N4BP2: variants seen among roughly 807,000 people sequenced by gnomAD.
The protein encoded by N4BP2 is NEDD4 binding protein 2.
Under a neutral mutation model 152.8 loss-of-function variants are expected in N4BP2, and 91 were observed. That is an observed-to-expected ratio of 0.60 (90% CI 0.50 to 0.71). The LOEUF is 0.71. Ranked by LOEUF, N4BP2 falls within the 30% of genes least tolerant of loss-of-function variation. The pLI is 0.00. For synonymous variants in N4BP2, 646 were observed against 705.3 expected, an observed-to-expected ratio of 0.92 and a Z score of 1.33; for missense variants, 1,923 against 2,059.1, an observed-to-expected ratio of 0.93 and a Z score of 1.28.
At chr4:40,133,997 G>C (rs1349004184) in intron 13 of N4BP2, among the ~76,000 whole-genome samples, 5 of 151,558 alleles carry the variant, frequency 3.3e-5, no homozygotes, top group South Asian at 4.2e-4. Flanking sequence ...TTGTAGAGAT[G>C]GAGTTTCACC....
chr4:40,136,343 AATCT>A (rs56276709), intron 13 of N4BP2, among the ~76,000 whole-genome samples: 26,640 of 136,576 alleles, frequency 0.2, 2,667 homozygotes, highest in East Asian at 0.34. Flanking sequence ...TTAGAAATTG[AATCT>A]ATCTATCTAT....
chr4:40,079,100 T>G (rs1264029430), intron 2 of N4BP2, among the ~76,000 whole-genome samples: 1 of 151,988 alleles, frequency 6.6e-6, no homozygotes, highest in Non-Finnish European at 1.5e-5. Context: ...TTTTGTATTT[T>G]TGGTAGAGAT....
chr4:40,169,023 G>C, the N4BP2 span, among the ~76,000 whole-genome samples: 1 of 151,756 alleles, frequency 6.6e-6, no homozygotes, highest in South Asian at 2.1e-4. Context: ...ACTGCGCCTG[G>C]CCAAATATAT....
At chr4:40,160,285 A>G (rs1721823795), downstream of N4BP2, among the ~76,000 whole-genome samples, 1 of 152,224 alleles carries the variant, frequency 6.6e-6, no homozygotes, top group African/African-American at 2.4e-5. Flanking sequence ...TTAATATAGG[A>G]TATATGTACA....
chr4:40,121,981 T>C lies in N4BP2; in HGVS notation c.3870T>C (p.Phe1290=), dbSNP rs1266305361. The part of the protein sequence containing the change: ...SPSHFSDIFN[F]VSSTSNLELN... ...CACATTTCTCTGATATTTTTAACTT[T>C]GTATCTAGTACTTCAAATCTTGAAT... Residue 1290 remains phenylalanine, a synonymous_variant, in exon 9 of 18, where the codon TTT becomes TTC. Transcript: ENST00000261435. 1.9e-6 allele frequency: 3 copies of C among 1,551,746 alleles called. No homozygotes were observed. The highest frequency in any genetic ancestry group is 1.4e-5 in the African/African-American group (1 of 72,264).
chr4:40,181,149 C>CAA, the N4BP2 span, among the ~76,000 whole-genome samples: 2 of 151,680 alleles, frequency 1.3e-5, no homozygotes, highest in Non-Finnish European at 2.9e-5. Context: ...GAGTCTGTCT[C>CAA]AAAAAAGAAA....
chr4:40,125,844 G>A (rs186088480), intron 11 of N4BP2, among the ~76,000 whole-genome samples: 9,016 of 145,484 alleles, frequency 0.062, 372 homozygotes, highest in Middle Eastern at 0.1. Flanking sequence ...CCGAGACTGC[G>A]CCATTGCACT....
At chr4:40,129,644 T>G (rs1440581033) in intron 12 of N4BP2, among the ~76,000 whole-genome samples, 1 of 152,186 alleles carries the variant, frequency 6.6e-6, no homozygotes, top group East Asian at 1.9e-4. Flanking sequence ...CTTTCTTTTT[T>G]TTCTCGAATA....
chr4:40,101,150 A>ATTAT (rs370963126), intron 3 of N4BP2, among the ~76,000 whole-genome samples: 59 of 151,898 alleles, frequency 3.9e-4, no homozygotes, highest in African/African-American at 7.2e-4. Flanking sequence ...AAAAGTGTGC[A>ATTAT]TTATTTATTT....
At chr4:40,113,642 GT>G (rs1436804669) in intron 7 of N4BP2, 134 bp downstream of exon 7, 1 of 698,554 alleles carries the variant, frequency 1.4e-6, no homozygotes, top group Non-Finnish European at 2.5e-6. Context: ...ACGGCTTTTT[GT>G]CCAGTTTTAT....
At chr4:40,106,454 C>G (rs1716297919) in intron 4 of N4BP2, among the ~76,000 whole-genome samples, 1 of 152,136 alleles carries the variant, frequency 6.6e-6, no homozygotes, top group Non-Finnish European at 1.5e-5. Context: ...GCAGCTGGGA[C>G]TATAGGTGCA....
rs1721428292 is a variant in N4BP2 at position 40,154,324 on chromosome 4, A to T, written c.*87A>T. The T allele has an allele frequency of 5.1e-6, 4 of 791,040 alleles. No homozygotes were observed. Among genetic ancestry groups the T allele is most frequent in the Non-Finnish European group, 8.1e-6 (4 of 495,054 alleles). 49.0% of individuals were successfully genotyped at this position (791,040 alleles called of 1,614,324 possible). Reference sequence around the variant, plus strand: ...TAATTCAGTCAATTCTACCCTAAAGATGTGTTTTATTATAAATAATATTCA... The same window carrying T: ...TAATTCAGTCAATTCTACCCTAAAGTTGTGTTTTATTATAAATAATATTCA... On this transcript the variant is annotated 3_prime_UTR_variant, in exon 18 of 18. Coordinates refer to ENST00000261435, the MANE Select transcript of N4BP2 (RefSeq NM_018177.6).
chr4:40,151,728 C>T (rs1252209427), intron 16 of N4BP2, among the ~76,000 whole-genome samples: 3 of 152,166 alleles, frequency 2.0e-5, no homozygotes, highest in Admixed American at 2.0e-4. Flanking sequence ...AGCTAGCACT[C>T]AGTTGAATTT....
rs1050906034 is a variant in N4BP2 at position 40,155,978 on chromosome 4, T to G, written c.*1741T>G. The G allele has an allele frequency of 2.0e-5, 3 of 152,218 alleles. No homozygotes were observed. Among genetic ancestry groups the G allele is most frequent in the African/African-American group, 7.2e-5 (3 of 41,458 alleles). The allele number at this position is 152,218 out of a possible 1,614,324, so 9.4% of individuals were successfully genotyped here. On this transcript the variant is annotated 3_prime_UTR_variant, in exon 18 of 18. Transcript: ENST00000261435. The stretch of plus-strand genomic sequence containing the variant: ...ACACTTATGTTTGTAATAATTTATT[T>G]AAAGAATGCCAACAGTTTAGCACAC...
downstream of N4BP2, among the ~76,000 whole-genome samples, chr4:40,160,657 C>T (rs1401512335): frequency 2.0e-5 from 3 of 152,170 alleles, no homozygotes; most frequent in Non-Finnish European, 2.9e-5. Context: ...CTTTATTTCA[C>T]ATGCATTTCT....
chr4:40,123,485 T>A (rs953232465), intron 10 of N4BP2, among the ~76,000 whole-genome samples: 14 of 152,290 alleles, frequency 9.2e-5, no homozygotes, highest in South Asian at 2.1e-4. Context: ...TGATTTTTTT[T>A]ATATCTTTTT....
chr4:40,112,242 A>G lies in N4BP2; in HGVS notation c.1587+70A>G, dbSNP rs1227944054. ...ATTATTGGGGAACATTAATTATGAA[A>G]GTGAATCTGAAGCACTTAAGAATCT... is the stretch of plus-strand genomic sequence containing the variant. On this transcript the variant is annotated intron_variant, in intron 6 of 17. Transcript: ENST00000261435. The G allele has an allele frequency of 7.8e-6, 7 of 900,726 alleles. No homozygotes were observed. In the South Asian group the frequency reaches 9.3e-5, roughly 12 times the overall value. The allele number at this position is 900,726 out of a possible 1,614,324, so 55.8% of individuals were successfully genotyped here. A position where few individuals can be genotyped will look rare whatever the true frequency, so the allele number is the denominator to read the frequency against.
chr4:40,144,847 C>T (rs537571832), intron 16 of N4BP2, 47 bp downstream of exon 16: 2 of 1,491,052 alleles, frequency 1.3e-6, no homozygotes, highest in South Asian at 1.3e-5. Context: ...TATGTCTTTG[C>T]TTATATTGGT....
the N4BP2 span, among the ~76,000 whole-genome samples, chr4:40,182,559 TC>T: frequency 3.3e-5 from 5 of 151,912 alleles, no homozygotes; most frequent in Non-Finnish European, 5.9e-5. Flanking sequence ...CAAGCGATCC[TC>T]CCACCTCAGT....
Sources: gnomAD v4.1 joint callset for allele counts (sites outside exome capture counted in the v4.1 genomes callset) on GRCh38, gnomAD v4.1.1 for gene constraint, MANE v1.5 for transcripts, NCBI Gene and HGNC (gene_info 2026-07-23, HGNC 2026-07-21) for gene names.